Variants in NDUFA5 observed in about 807,000 individuals in gnomAD.
The protein encoded by NDUFA5 is NADH:ubiquinone oxidoreductase subunit A5, also known as NADH dehydrogenase [ubiquinone] 1 alpha subcomplex subunit 5.
A neutral mutation model predicts 19.8 loss-of-function variants in NDUFA5; 11 were observed. The observed-to-expected ratio is 0.56, with a 90% CI of 0.35 to 0.92. The LOEUF is 0.92. Ranked by LOEUF, NDUFA5 falls within the 40% of genes least tolerant of loss-of-function variation. The pLI is 0.01. For missense variants in NDUFA5, 109 were observed against 134.2 expected, an observed-to-expected ratio of 0.81 and a Z score of 0.93; for synonymous variants, 47 against 46.8, an observed-to-expected ratio of 1.00 and a Z score of -0.01.
At chr7:123,585,810 A>T in the NDUFA5 span, among the ~76,000 whole-genome samples, 1 of 151,950 alleles carries the variant, frequency 6.6e-6, no homozygotes, top group African/African-American at 2.4e-5. Flanking sequence ...GATTCCACAT[A>T]TAAGAGATAT....
the NDUFA5 span, among the ~76,000 whole-genome samples, chr7:123,571,534 C>A: frequency 6.6e-6 from 1 of 152,208 alleles, no homozygotes; most frequent in Admixed American, 6.5e-5. Flanking sequence ...TCCAGTTTAT[C>A]TTTTTATTTG....
intron 3 of NDUFA5, among the ~76,000 whole-genome samples, chr7:123,549,785 A>C (rs1798265662): frequency 6.6e-6 from 1 of 152,338 alleles, no homozygotes; most frequent in Admixed American, 6.5e-5. Context: ...ATATAATACA[A>C]TACAAAATAC....
the NDUFA5 span, among the ~76,000 whole-genome samples, chr7:123,585,211 T>C: frequency 8.6e-5 from 13 of 151,628 alleles, no homozygotes; most frequent in African/African-American, 3.1e-4. Context: ...TTTGTACCAA[T>C]CCCCCTCTTA....
chr7:123,579,516 A>G, the NDUFA5 span, among the ~76,000 whole-genome samples: 1 of 152,074 alleles, frequency 6.6e-6, no homozygotes, highest in Non-Finnish European at 1.5e-5. Flanking sequence ...TACCATGAAG[A>G]GTTGTTCTGA....
the NDUFA5 span, among the ~76,000 whole-genome samples, chr7:123,575,242 C>T: frequency 6.6e-6 from 1 of 151,956 alleles, no homozygotes; most frequent in Non-Finnish European, 1.5e-5. Context: ...TAGTTCCCTA[C>T]TAGGAAAAAA....
chr7:123,565,430 T>G, the NDUFA5 span, among the ~76,000 whole-genome samples: 1 of 135,440 alleles, frequency 7.4e-6, no homozygotes, highest in African/African-American at 2.8e-5. Flanking sequence ...CACACACACA[T>G]CCACACACGA....
At chr7:123,571,155 T>C in the NDUFA5 span, among the ~76,000 whole-genome samples, 6 of 152,284 alleles carry the variant, frequency 3.9e-5, no homozygotes, top group Non-Finnish European at 8.8e-5. Context: ...CAAATACAAT[T>C]GAGAAGCACC....
At chr7:123,573,885 T>TA in the NDUFA5 span, among the ~76,000 whole-genome samples, 38 of 151,364 alleles carry the variant, frequency 2.5e-4, no homozygotes, top group Middle Eastern at 3.4e-3. Context: ...TCTTATTAAT[T>TA]AAAAAAAAAC....
At chr7:123,554,077 T>G (rs1311150965) in intron 2 of NDUFA5, among the ~76,000 whole-genome samples, 1 of 152,196 alleles carries the variant, frequency 6.6e-6, no homozygotes, top group Non-Finnish European at 1.5e-5. Context: ...TCTAAAACAG[T>G]AGATGCTAGC....
chr7:123,547,921 A>G (rs530785845), intron 3 of NDUFA5, among the ~76,000 whole-genome samples: 1 of 152,116 alleles, frequency 6.6e-6, no homozygotes, highest in Non-Finnish European at 1.5e-5. Flanking sequence ...GGTTCTAACA[A>G]AAAGTGTTCG....
chr7:123,573,434 T>C, the NDUFA5 span, among the ~76,000 whole-genome samples: 24 of 152,044 alleles, frequency 1.6e-4, no homozygotes, highest in African/African-American at 5.6e-4. Context: ...AAGTCTTATT[T>C]GTTTATGTAT....
the NDUFA5 span, among the ~76,000 whole-genome samples, chr7:123,592,498 T>A: frequency 1.3e-5 from 2 of 152,230 alleles, no homozygotes; most frequent in Non-Finnish European, 2.9e-5. Flanking sequence ...TTGTTCTCAT[T>A]GATTTCAAAG....
chr7:123,574,945 T>A, the NDUFA5 span, among the ~76,000 whole-genome samples: 2 of 151,864 alleles, frequency 1.3e-5, no homozygotes, highest in African/African-American at 2.4e-5. Flanking sequence ...TTAAGACACA[T>A]AGGGGAGAAA....
rs1034313244 is a variant in NDUFA5, at chr7:123,540,726, A to G, written c.*1393T>C. Reference sequence around the variant, plus strand: ...CTGGGCTTCTAACTCCCCCTCTAACACTTCCCCACCAGAAGGAGCCTTCTT... The same window carrying G: ...CTGGGCTTCTAACTCCCCCTCTAACGCTTCCCCACCAGAAGGAGCCTTCTT... On this transcript the variant is annotated 3_prime_UTR_variant, in exon 5 of 5. Coordinates refer to ENST00000355749, the MANE Select transcript of NDUFA5 (RefSeq NM_005000.5). The G allele has an allele frequency of 4.6e-5, 7 of 151,996 alleles. No homozygotes were observed. The highest frequency in any genetic ancestry group is 7.3e-5 in the African/African-American group (3 of 41,338). 9.4% of individuals were successfully genotyped at this position (151,996 alleles called of 1,614,324 possible). A position where few individuals can be genotyped will look rare whatever the true frequency, so the allele number is the denominator to read the frequency against.
chr7:123,547,632 A>C (rs1798184575), intron 3 of NDUFA5, among the ~76,000 whole-genome samples: 1 of 152,180 alleles, frequency 6.6e-6, no homozygotes, highest in Admixed American at 6.6e-5. Context: ...ATTAACTCAT[A>C]TGAGAGACCA....
the NDUFA5 span, among the ~76,000 whole-genome samples, chr7:123,582,865 G>T: frequency 1.2e-3 from 190 of 152,064 alleles, 5 homozygotes; most frequent in East Asian, 0.033. Context: ...GCAAATAAAT[G>T]AATGCAGTAT....
chr7:123,594,190 T>C, the NDUFA5 span, among the ~76,000 whole-genome samples: 1 of 152,138 alleles, frequency 6.6e-6, no homozygotes, highest in Middle Eastern at 3.2e-3. Context: ...TAACCTTTTT[T>C]CAAGGTTTTT....
intron 3 of NDUFA5, 40 bp from the exon 4 acceptor site, chr7:123,545,716 A>G (rs1234260210): frequency 1.5e-6 from 2 of 1,370,448 alleles, no homozygotes; most frequent in Non-Finnish European, 2.1e-6. Flanking sequence ...GAAGCATACT[A>G]ACTGAATGTT....
At chr7:123,598,617 A>G in the NDUFA5 span, among the ~76,000 whole-genome samples, 5 of 152,242 alleles carry the variant, frequency 3.3e-5, no homozygotes, top group Admixed American at 3.3e-4. Flanking sequence ...TGAACAAGTC[A>G]TCAGTGTTCA....
Sources: gnomAD v4.1 joint callset for allele counts (sites outside exome capture counted in the v4.1 genomes callset) on GRCh38, gnomAD v4.1.1 for gene constraint, MANE v1.5 for transcripts, NCBI Gene and HGNC (gene_info 2026-07-23, HGNC 2026-07-21) for gene names.